Variants in PIP5KL1 observed in about 807,000 individuals in gnomAD.
The protein encoded by PIP5KL1 is phosphatidylinositol 4-phosphate 5-kinase-like protein 1.
A neutral mutation model predicts 47.6 loss-of-function variants in PIP5KL1; 45 were observed. The ratio of observed to expected loss-of-function variants is 0.94; its 90% confidence interval spans 0.74 to 1.21. The LOEUF (loss-of-function observed/expected upper bound fraction) is 1.21. Among genes scored for constraint, PIP5KL1 ranks in the 50% most tolerant of loss-of-function variants. The pLI is 0.00. For synonymous variants in PIP5KL1, 256 were observed against 234.6 expected, an observed-to-expected ratio of 1.09 and a Z score of -0.84; for missense variants, 577 against 547.6, an observed-to-expected ratio of 1.05 and a Z score of -0.54.
chr9:127,925,739 C>G (rs901531234), intron 8 of PIP5KL1, 128 bp downstream of exon 8: 5 of 775,240 alleles, frequency 6.4e-6, no homozygotes, highest in Non-Finnish European at 8.8e-6. Flanking sequence ...GCTGGAATTA[C>G]AGGCGTGAGC....
chr9:127,927,010 G>A lies in PIP5KL1; in HGVS notation c.650+143C>T, dbSNP rs947587413. 2.5e-5 allele frequency: 24 copies of A among 976,646 alleles called. No homozygotes were observed. In the Admixed American group the frequency reaches 5.8e-4, roughly 24 times the overall value. The allele number at this position is 976,646 out of a possible 1,614,324, so 60.5% of individuals were successfully genotyped here. ...TGCTCCAGAGATGCTGGGTGTGGGC[G>A]TCACTGTCTCTGACCCACCAGATCT... On this transcript the variant is annotated intron_variant, in intron 7 of 9. Coordinates refer to ENST00000388747, the MANE Select transcript of PIP5KL1 (RefSeq NM_001135219.2). The surrounding 1 kb of genome is among the most constrained non-coding windows in gnomAD (Gnocchi z 5.5).
chr9:127,921,705 G>T lies in PIP5KL1; in HGVS notation c.*142C>A. ...CACGGCACCACCGTCAAACGGGACTGCGCGGTTACGGTATTAGTTAGGGGA... is the reference window on the plus strand; with the variant it reads ...CACGGCACCACCGTCAAACGGGACTTCGCGGTTACGGTATTAGTTAGGGGA... On this transcript the variant is annotated 3_prime_UTR_variant, in exon 10 of 10. Transcript: ENST00000388747. 8.5e-7 allele frequency: 1 copy of T among 1,182,228 alleles called. No individual in the cohort carries two copies. Among genetic ancestry groups the T allele is most frequent in the Non-Finnish European group, 1.2e-6 (1 of 867,910 alleles). The allele number at this position is 1,182,228 out of a possible 1,614,324, so 73.2% of individuals were successfully genotyped here.
chr9:127,928,384 G>A (rs775935543), intron 3 of PIP5KL1, 49 bp downstream of exon 3: 4 of 1,566,606 alleles, frequency 2.6e-6, no homozygotes, highest in South Asian at 2.4e-5. Context: ...GCAGAGGAGA[G>A]AGCAAGACCA....
rs10760515 is a variant in PIP5KL1, at chr9:127,928,133, G to C, written c.366C>G (p.Ala122=). ...GCAGGTAGGGGCCGCCGGGGCCCAG[G>C]GCAGCCTGATAGTCCTCCTCCGCCA... ...LGLAEEDYQA[A]LGPGGPYLQF... Residue 122 remains alanine (A), a synonymous_variant, in exon 4 of 10, where the codon GCC becomes GCG. Coordinates refer to ENST00000388747, the MANE Select transcript of PIP5KL1 (RefSeq NM_001135219.2). 0.89 allele frequency: 1,382,854 copies of C among 1,553,154 alleles called. 619,615 individuals are homozygous for C. The highest frequency in any genetic ancestry group is 0.92 in the Non-Finnish European group (1,057,980 of 1,150,356).
In PIP5KL1 at chr9:127,929,844, G is replaced by A. The variant is rs1381948911; in HGVS notation, c.72C>T (p.Thr24=). The A allele has an allele frequency of 5.2e-6, 8 of 1,546,184 alleles. No individual in the cohort carries two copies. Among genetic ancestry groups the A allele is most frequent in the South Asian group, 4.8e-5 (4 of 84,004 alleles). Residue 24 remains threonine (T), a synonymous_variant, in exon 2 of 10, where the codon ACC becomes ACT. Transcript: ENST00000388747. The surrounding 1 kb of genome is among the most constrained non-coding windows in gnomAD (Gnocchi z 4.0). ...GCCAGAGAAGCCCCCGCCGGCTGGA[G>A]GTGACTGCTCTGCATCCAGCCTCAG... ...PSPEAGCRAV[T]SSRRGLLWRL...
At position 127,927,793 on chromosome 9, in the gene PIP5KL1, G is replaced by T; in HGVS notation, c.435-21C>A. On this transcript the variant is annotated intron_variant, in intron 4 of 9. Transcript: ENST00000388747. The surrounding 1 kb of genome is among the most constrained non-coding windows in gnomAD (Gnocchi z 5.5). ...CGTGGCTGGGGGGCAAGAGAAAGAGGTCACTGCCCAGGCCTGGCTGGAGCG... is the reference window on the plus strand; with the variant it reads ...CGTGGCTGGGGGGCAAGAGAAAGAGTTCACTGCCCAGGCCTGGCTGGAGCG... 6.4e-7 allele frequency: 1 copy of T among 1,555,560 alleles called. No homozygotes were observed. The highest frequency in any genetic ancestry group is 8.7e-7 in the Non-Finnish European group (1 of 1,151,296).
intron 9 of PIP5KL1, 141 bp downstream of exon 9, chr9:127,924,966 G>GCA (rs143994650): frequency 2.1e-4 from 221 of 1,067,536 alleles, no homozygotes; most frequent in Non-Finnish European, 2.6e-4. Flanking sequence ...GCGCGCACAC[G>GCA]CACACACACA....
At chr9:127,922,328 C>A (rs1253690291) in intron 9 of PIP5KL1, among the ~76,000 whole-genome samples, 5 of 50,736 alleles carry the variant, frequency 9.9e-5, no homozygotes, top group African/African-American at 2.4e-4. Context: ...GGCCACTGAG[C>A]CTTGAATGTG....
At chr9:127,923,088 G>A (rs752722343) in intron 9 of PIP5KL1, among the ~76,000 whole-genome samples, 5 of 152,248 alleles carry the variant, frequency 3.3e-5, no homozygotes, top group Non-Finnish European at 7.3e-5. Context: ...AGCAACCCCA[G>A]TTTGCAGATG....
In PIP5KL1 at chr9:127,927,921, A is replaced by G. The variant is rs1831387247; in HGVS notation, c.434+144T>C. The G allele has an allele frequency of 2.1e-6, 3 of 1,460,674 alleles. No individual in the cohort carries two copies. Among genetic ancestry groups the G allele is most frequent in the Non-Finnish European group, 2.7e-6 (3 of 1,098,416 alleles). 90.5% of individuals were successfully genotyped at this position (1,460,674 alleles called of 1,614,324 possible). Reference sequence around the variant, plus strand: ...GGCCCTCGCCCTCCTCTCCTCCCCGATCTGTCCACCATCCGGCCCTGACCC... The same window carrying G: ...GGCCCTCGCCCTCCTCTCCTCCCCGGTCTGTCCACCATCCGGCCCTGACCC... On this transcript the variant is annotated intron_variant, in intron 4 of 9. Transcript: ENST00000388747. This position sits in a 1 kb window ranked among gnomAD's most constrained non-coding sequence, Gnocchi z 5.5.
rs113250553 is a variant in PIP5KL1 at position 127,928,155 on chromosome 9, G to A, written c.344C>T (p.Ala115Val). ...CAGGGCAGCCTGATAGTCCTCCTCC[G>A]CCAGGCCCAGGGAGCGGCGCAGCCA... ...FAWLRRSLGL[A>V]EEDYQAALGP... Residue 115 changes from alanine (A) to valine (V), a missense_variant, in exon 4 of 10, where the codon GCG (alanine) becomes GTG (valine). By Grantham distance (64) the Ala-to-Val change is moderately conservative. Coordinates refer to ENST00000388747, the MANE Select transcript of PIP5KL1 (RefSeq NM_001135219.2). 4 of 1,541,512 alleles carry A rather than the reference G, an allele frequency of 2.6e-6. No homozygotes were observed. In the East Asian group the frequency reaches 9.6e-5, roughly 37 times the overall value.
At chr9:127,924,960 G>GCACACGCACACA in intron 9 of PIP5KL1, 147 bp downstream of exon 9, 2 of 1,061,134 alleles carry the variant, frequency 1.9e-6, no homozygotes, top group Non-Finnish European at 2.7e-6. Flanking sequence ...ACACACGCGC[G>GCACACGCACACA]CACACGCACA....
At chr9:127,926,226 CTTT>C (rs755465515) in intron 7 of PIP5KL1, among the ~76,000 whole-genome samples, 1 of 128,072 alleles carries the variant, frequency 7.8e-6, no homozygotes, top group Non-Finnish European at 1.7e-5. Flanking sequence ...TCTTTCTTCC[CTTT>C]TTTTTTTTTT....
intron 1 of PIP5KL1, 148 bp from the exon 2 acceptor site, chr9:127,930,033 T>C: frequency 1.2e-6 from 1 of 817,192 alleles, no homozygotes. Context: ...ATGATGCTGG[T>C]ACCCAGAGGG....
chr9:127,928,092 G>A lies in PIP5KL1; in HGVS notation c.407C>T (p.Ser136Phe). The change falls in exon 4 of 10, where the codon TCC becomes TTC. Residue 136 changes from serine (S) to phenylalanine (F), a missense_variant. Physicochemically the swap from Ser to Phe is radical, Grantham distance 155 (BLOSUM62 -2). Coordinates refer to ENST00000388747, the MANE Select transcript of PIP5KL1 (RefSeq NM_001135219.2). ...GGPYLQFLST[S>F]KSKASFFLSH... ...CAGGAAGAAGCTGGCCTTGCTCTTG[G>A]AGGTGCTGAGGAACTGCAGGTAGGG... is the stretch of plus-strand genomic sequence containing the variant. 6.4e-7 allele frequency: 1 copy of A among 1,574,462 alleles called. No individual in the cohort carries two copies.
chr9:127,926,226 C>CT (rs755465515), intron 7 of PIP5KL1, among the ~76,000 whole-genome samples: 9,199 of 128,026 alleles, frequency 0.072, 461 homozygotes, highest in Middle Eastern at 0.11. Flanking sequence ...TCTTTCTTCC[C>CT]TTTTTTTTTT....
chr9:127,928,449 A>T lies in PIP5KL1; in HGVS notation c.263T>A (p.Leu88Gln). ...GCCTCCTACCTCGTGAACCTGGGTT[A>T]GGACCTCCGAGAAATCGTCCCGGGA... is the stretch of plus-strand genomic sequence containing the variant. ...PPSRDDFSEVLTQVHEGFELG... is the reference protein window; with the variant it reads ...PPSRDDFSEVQTQVHEGFELG... Residue 88 changes from leucine (L) to glutamine (Q), a missense_variant, in exon 3 of 10, where the codon CTA (leucine) becomes CAA (glutamine). Transcript: ENST00000388747. 6.2e-7 allele frequency: 1 copy of T among 1,600,642 alleles called. No individual in the cohort carries two copies. The highest frequency in any genetic ancestry group is 8.5e-7 in the Non-Finnish European group (1 of 1,175,116).
Position 127,922,036 on chromosome 9 carries a change from T to C in PIP5KL1, c.996A>G (p.Leu332=). ...RRLLPDAPNA[L]HILDGPEQRY... is the part of the protein sequence containing the mutation. ...GCTGCTCGGGCCCGTCCAGGATGTG[T>C]AGGGCGTTGGGGGCGTCGGGCAGCA... The change falls in exon 10 of 10, where the codon CTA becomes CTG. Residue 332 remains leucine (L), a synonymous_variant. Coordinates refer to ENST00000388747, the MANE Select transcript of PIP5KL1 (RefSeq NM_001135219.2). The C allele has an allele frequency of 6.4e-7, 1 of 1,573,740 alleles. No individual in the cohort carries two copies. Among genetic ancestry groups the C allele is most frequent in the Non-Finnish European group, 8.6e-7 (1 of 1,160,872 alleles).
chr9:127,928,414 G>A lies in PIP5KL1; in HGVS notation c.279+19C>T, dbSNP rs1831394796. ...AGACCAGCACACGTCCCTCCCACAC[G>A]GGAGTCTGGGCCTCCTACCTCGTGA... is the stretch of plus-strand genomic sequence containing the variant. On this transcript the variant is annotated intron_variant, in intron 3 of 9. Coordinates refer to ENST00000388747, the MANE Select transcript of PIP5KL1 (RefSeq NM_001135219.2). The A allele has an allele frequency of 1.3e-6, 2 of 1,593,224 alleles. No homozygotes were observed. Among genetic ancestry groups the A allele is most frequent in the Non-Finnish European group, 1.7e-6 (2 of 1,170,708 alleles).
Sources: allele counts gnomAD v4.1 joint callset (sites outside exome capture counted in the v4.1 genomes callset), GRCh38; gene constraint gnomAD v4.1.1; non-coding constraint Gnocchi (gnomAD v3.1); transcripts MANE v1.5; gene names NCBI Gene and HGNC (gene_info 2026-07-23, HGNC 2026-07-21).